Variants in SNX33 observed in about 807,000 individuals in gnomAD.
SNX33 encodes the protein sorting nexin 33.
In SNX33, 19 loss-of-function variants were observed where a neutral mutation model predicts 38.8. The ratio of observed to expected loss-of-function variants is 0.49; its 90% CI spans 0.34 to 0.72. The LOEUF is 0.72. SNX33 is among the 30% of genes least tolerant of loss of function. The pLI, the probability that SNX33 is intolerant of heterozygous loss-of-function variation, is 0.01. For synonymous variants in SNX33, 246 were observed against 289.7 expected (o/e 0.85, Z 1.53); for missense variants, 641 against 776.4 (o/e 0.83, Z 2.07).
Position 75,649,446 on chromosome 15 carries a change from A to G in SNX33, c.344A>G (p.Asp115Gly), listed in dbSNP as rs376433115. The change falls in exon 1 of 2, where the codon GAT (aspartate) becomes GGT (glycine). Residue 115 changes from aspartate to glycine, a missense_variant. By Grantham distance (94) the Asp-to-Gly change is moderately conservative. Coordinates refer to ENST00000308527, the MANE Select transcript of SNX33 (RefSeq NM_153271.2). The surrounding 1 kb of genome is among the most constrained non-coding windows in gnomAD (Gnocchi z 6.6). Reference sequence around the variant, plus strand: ...GGTAGCTTTGAGGAGGATGATGATGATGACTGGGATGACTGGGACGACGGA... The same window carrying G: ...GGTAGCTTTGAGGAGGATGATGATGGTGACTGGGATGACTGGGACGACGGA... ...NQGSFEEDDD[D>G]DWDDWDDGCT... 93 of 1,532,676 alleles carry G rather than the reference A, an allele frequency of 6.1e-5. No homozygotes were observed. Among genetic ancestry groups the G allele is most frequent in the Non-Finnish European group, 7.9e-5 (90 of 1,138,112 alleles). The allele number at this position is 1,532,676 out of a possible 1,614,324, so 94.9% of individuals were successfully genotyped here.
chr15:75,649,334 C>T lies in SNX33; in HGVS notation c.232C>T (p.Pro78Ser). 6.3e-7 allele frequency: 1 copy of T among 1,584,644 alleles called. No individual in the cohort carries two copies. The highest frequency in any genetic ancestry group is 8.6e-7 in the Non-Finnish European group (1 of 1,162,348). Residue 78 changes from proline to serine, a missense_variant, in exon 1 of 2, where the codon CCC (proline) becomes TCC (serine). Physicochemically the swap from Pro to Ser is moderately conservative, Grantham distance 74. Around this residue, in one of 2 missense-constraint regions of SNX33, gnomAD observed 243 missense variants for 233.9 expected, o/e 1.04. Coordinates refer to ENST00000308527, the MANE Select transcript of SNX33 (RefSeq NM_153271.2). This position sits in a 1 kb window ranked among gnomAD's most constrained non-coding sequence, Gnocchi z 6.6. ...ADYSSSPAGS[P>S]GAQVSLYNSP... ...CTACTCCAGCAGCCCTGCAGGCTCT[C>T]CCGGAGCCCAGGTGAGCTTGTACAA...
Position 75,649,833 on chromosome 15 carries a change from A to T in SNX33, c.731A>T (p.Lys244Met). The T allele has an allele frequency of 6.6e-7, 1 of 1,522,828 alleles. No homozygotes were observed. The highest frequency in any genetic ancestry group is 8.8e-7 in the Non-Finnish European group (1 of 1,136,062). 94.3% of individuals were successfully genotyped at this position (1,522,828 alleles called of 1,614,324 possible). A position where few individuals can be genotyped will look rare whatever the true frequency, so the allele number is the denominator to read the frequency against. Residue 244 changes from lysine to methionine, a missense_variant, in exon 1 of 2, where the codon AAG becomes ATG. Around this residue, in one of 2 missense-constraint regions of SNX33, gnomAD observed 398 missense variants for 542.5 expected, o/e 0.73. Coordinates refer to ENST00000308527, the MANE Select transcript of SNX33 (RefSeq NM_153271.2). This position sits in a 1 kb window ranked among gnomAD's most constrained non-coding sequence, Gnocchi z 6.6. ...GACCCCACAAAACAGACCAAATTCA[A>T]GGGCATCAAAAGCTACATCTCCTAC... is the stretch of plus-strand genomic sequence containing the variant. ...VEDPTKQTKF[K>M]GIKSYISYKL...
rs200605367 is a variant in SNX33 at position 75,649,632 on chromosome 15, G to C, written c.530G>C (p.Ser177Thr). ...QDSLASAKRGSVVGRNLNRFS... is the reference protein window; with the variant it reads ...QDSLASAKRGTVVGRNLNRFS... ...AGCCTGGCATCTGCCAAGCGAGGCAGTGTGGTGGGCCGTAACCTCAACCGT... is the reference window on the plus strand; with the variant it reads ...AGCCTGGCATCTGCCAAGCGAGGCACTGTGGTGGGCCGTAACCTCAACCGT... The change falls in exon 1 of 2, where the codon AGT (serine) becomes ACT (threonine). Residue 177 changes from serine to threonine, a missense_variant. Around this residue, in one of 2 missense-constraint regions of SNX33, gnomAD observed 243 missense variants for 233.9 expected, o/e 1.04. Coordinates refer to ENST00000308527, the MANE Select transcript of SNX33 (RefSeq NM_153271.2). This position sits in a 1 kb window ranked among gnomAD's most constrained non-coding sequence, Gnocchi z 6.6. 6.2e-7 allele frequency: 1 copy of C among 1,611,860 alleles called. No individual in the cohort carries two copies. The highest frequency in any genetic ancestry group is 1.3e-5 in the African/African-American group (1 of 75,008).
rs1893523628 is a variant in SNX33, at chr15:75,648,312, C to T, written c.-791C>T. On this transcript the variant is annotated 5_prime_UTR_variant, in exon 1 of 2. Coordinates refer to ENST00000308527, the MANE Select transcript of SNX33 (RefSeq NM_153271.2). This position sits in a 1 kb window ranked among gnomAD's most constrained non-coding sequence, Gnocchi z 4.4. ...ACAGCCTCGTCGCGCCCCCTCCTTC[C>T]TCCGGGGTTGGGGCTGGCCACTTCT... 6 of 985,380 alleles carry T rather than the reference C, an allele frequency of 6.1e-6. No homozygotes were observed. Among genetic ancestry groups the T allele is most frequent in the Non-Finnish European group, 7.2e-6 (6 of 829,932 alleles). The allele number at this position is 985,380 out of a possible 1,614,324, so 61.0% of individuals were successfully genotyped here.
In SNX33 at chr15:75,650,074, C is replaced by G; in HGVS notation, c.972C>G (p.Ser324=). Residue 324 remains serine (S), a synonymous_variant, in exon 1 of 2, where the codon TCC becomes TCG. Transcript: ENST00000308527. This position sits in a 1 kb window ranked among gnomAD's most constrained non-coding sequence, Gnocchi z 6.1. ...ACATGACCAGCCACCCTGTGCTCTC[C>G]CAGTACGAAGGCTTCCAGCATTTCC... ...MDHMTSHPVL[S]QYEGFQHFLS... 1 of 1,614,046 alleles carries G rather than the reference C, an allele frequency of 6.2e-7. No homozygotes were observed. The highest frequency in any genetic ancestry group is 8.5e-7 in the Non-Finnish European group (1 of 1,179,968).
intron 1 of SNX33, among the ~76,000 whole-genome samples, chr15:75,653,725 G>A (rs1893614110): frequency 6.6e-6 from 1 of 152,178 alleles, no homozygotes; most frequent in African/African-American, 2.4e-5. Flanking sequence ...GGGGCCATAG[G>A]GACAGCGTGG....
rs1315204876 is a variant in SNX33 at position 75,650,868 on chromosome 15, A to C, written c.1471+295A>C. Among the ~76,000 whole-genome samples the C allele has an allele frequency of 6.6e-6, 1 of 151,964 alleles. No homozygotes were observed. The highest frequency in any genetic ancestry group is 2.4e-5 in the African/African-American group (1 of 41,272). ...GTGAGACCCTGTCTCTAAAACAAAC[A>C]AACAAACAAACAAACAAACAAATGT... On this transcript the variant is annotated intron_variant, in intron 1 of 1. Transcript: ENST00000308527. This position sits in a 1 kb window ranked among gnomAD's most constrained non-coding sequence, Gnocchi z 6.1.
chr15:75,653,504 G>A (rs571766171), intron 1 of SNX33, among the ~76,000 whole-genome samples: 3 of 152,350 alleles, frequency 2.0e-5, no homozygotes, highest in East Asian at 1.9e-4. Flanking sequence ...GAGGTGCAGC[G>A]ATGCAGATGA....
At position 75,650,448 on chromosome 15, in the gene SNX33, C is replaced by A. The variant is rs780338453; in HGVS notation, c.1346C>A (p.Thr449Asn). 2 of 1,614,170 alleles carry A rather than the reference C, an allele frequency of 1.2e-6. No individual in the cohort carries two copies. The change falls in exon 1 of 2, where the codon ACC becomes AAC. Residue 449 changes from threonine (T) to asparagine (N), a missense_variant. Physicochemically the swap from Thr to Asn is moderately conservative, Grantham distance 65 (BLOSUM62 0). Around this residue, in one of 2 missense-constraint regions of SNX33, gnomAD observed 398 missense variants for 542.5 expected, o/e 0.73. Transcript: ENST00000308527. This position sits in a 1 kb window ranked among gnomAD's most constrained non-coding sequence, Gnocchi z 6.1. ...AGTGCCATTTCTCACACGGGCCGTACCTATGAAGCCATCGGGGAGATGTTT... is the reference window on the plus strand; with the variant it reads ...AGTGCCATTTCTCACACGGGCCGTAACTATGAAGCCATCGGGGAGATGTTT... ...LNSAISHTGR[T>N]YEAIGEMFAE...
chr15:75,648,156 A>G lies in SNX33; in HGVS notation c.-947A>G. On this transcript the variant is annotated 5_prime_UTR_variant, in exon 1 of 2. Coordinates refer to ENST00000308527, the MANE Select transcript of SNX33 (RefSeq NM_153271.2). The surrounding 1 kb of genome is among the most constrained non-coding windows in gnomAD (Gnocchi z 4.4). ...GGGGGTCGTAAGTCCCGGGTGAGGA[A>G]CCGGTTTCTGCTGGGGTTACCTTTG... is the stretch of plus-strand genomic sequence containing the variant. 1 of 985,498 alleles carries G rather than the reference A, an allele frequency of 1.0e-6. No individual in the cohort carries two copies. 61.0% of individuals were successfully genotyped at this position (985,498 alleles called of 1,614,324 possible).
At chr15:75,654,113 AAAG>A (rs1893622431) in intron 1 of SNX33, among the ~76,000 whole-genome samples, 2 of 151,760 alleles carry the variant, frequency 1.3e-5, no homozygotes, top group Non-Finnish European at 1.5e-5. Context: ...AAAAAAAAAA[AAAG>A]AAAAGAAAAG....
In SNX33 at chr15:75,649,505, C is replaced by T. The variant is rs777045563; in HGVS notation, c.403C>T (p.Leu135=). The T allele has an allele frequency of 1.9e-6, 3 of 1,568,438 alleles. No individual in the cohort carries two copies. Among genetic ancestry groups the T allele is most frequent in the Non-Finnish European group, 2.6e-6 (3 of 1,153,646 alleles). ...TVVEEPRAGG[L]GTNGHPPLNL... Reference sequence around the variant, plus strand: ...GGTGGAGGAGCCACGGGCTGGTGGGCTGGGCACCAACGGGCACCCTCCCCT... The same window carrying T: ...GGTGGAGGAGCCACGGGCTGGTGGGTTGGGCACCAACGGGCACCCTCCCCT... Residue 135 remains leucine, a synonymous_variant, in exon 1 of 2, where the codon CTG becomes TTG. Transcript: ENST00000308527. The surrounding 1 kb of genome is among the most constrained non-coding windows in gnomAD (Gnocchi z 6.6).
rs992397834 is a variant in SNX33 at position 75,648,588 on chromosome 15, A to G, written c.-515A>G. 1.3e-4 allele frequency: 126 copies of G among 971,984 alleles called. No homozygotes were observed. The highest frequency in any genetic ancestry group is 1.5e-4 in the Non-Finnish European group (120 of 817,798). The allele number at this position is 971,984 out of a possible 1,614,324, so 60.2% of individuals were successfully genotyped here. ...AGGAAGGAGGAAGGGGCAGATCTGC[A>G]GAGGAATGTGAGAGCCTCCCAAAGC... On this transcript the variant is annotated 5_prime_UTR_variant, in exon 1 of 2. Transcript: ENST00000308527. This position sits in a 1 kb window ranked among gnomAD's most constrained non-coding sequence, Gnocchi z 4.4.
Position 75,649,330 on chromosome 15 carries a change from C to T in SNX33, c.228C>T (p.Gly76=). 6.3e-7 allele frequency: 1 copy of T among 1,588,092 alleles called. No homozygotes were observed. Among genetic ancestry groups the T allele is most frequent in the Non-Finnish European group, 8.6e-7 (1 of 1,164,228 alleles). Reference sequence around the variant, plus strand: ...CTGACTACTCCAGCAGCCCTGCAGGCTCTCCCGGAGCCCAGGTGAGCTTGT... The same window carrying T: ...CTGACTACTCCAGCAGCCCTGCAGGTTCTCCCGGAGCCCAGGTGAGCTTGT... The part of the protein sequence containing the change: ...NHADYSSSPA[G]SPGAQVSLYN... The change falls in exon 1 of 2, where the codon GGC becomes GGT. Residue 76 remains glycine, a synonymous_variant. Transcript: ENST00000308527. This position sits in a 1 kb window ranked among gnomAD's most constrained non-coding sequence, Gnocchi z 6.6.
Position 75,649,314 on chromosome 15 carries a change from C to A in SNX33, c.212C>A (p.Ser71Tyr). ...ATCAGCACCAACCATGCTGACTACT[C>A]CAGCAGCCCTGCAGGCTCTCCCGGA... ...SGISTNHADY[S>Y]SSPAGSPGAQ... is the part of the protein sequence containing the mutation. Residue 71 changes from serine to tyrosine, a missense_variant, in exon 1 of 2, where the codon TCC becomes TAC. By Grantham distance (144) the Ser-to-Tyr change is moderately radical (BLOSUM62 -2). Coordinates refer to ENST00000308527, the MANE Select transcript of SNX33 (RefSeq NM_153271.2). This position sits in a 1 kb window ranked among gnomAD's most constrained non-coding sequence, Gnocchi z 6.6. The A allele has an allele frequency of 6.2e-7, 1 of 1,600,028 alleles. No individual in the cohort carries two copies. The highest frequency in any genetic ancestry group is 8.5e-7 in the Non-Finnish European group (1 of 1,170,904).
At chr15:75,654,895 C>G (rs1893634645) in intron 1 of SNX33, among the ~76,000 whole-genome samples, 1 of 152,226 alleles carries the variant, frequency 6.6e-6, no homozygotes, top group East Asian at 1.9e-4. Context: ...GAGGCCTTTC[C>G]TTCCTCTAAG....
intron 1 of SNX33, among the ~76,000 whole-genome samples, chr15:75,653,090 G>T (rs1893604210): frequency 6.6e-6 from 1 of 152,176 alleles, no homozygotes. Flanking sequence ...GTCTCTAGGT[G>T]AGTAAAATGG....
In SNX33 at chr15:75,650,510, G is replaced by A; in HGVS notation, c.1408G>A (p.Asp470Asn). Residue 470 changes from aspartate to asparagine, a missense_variant, in exon 1 of 2, where the codon GAC becomes AAC. Physicochemically the swap from Asp to Asn is conservative, Grantham distance 23. Coordinates refer to ENST00000308527, the MANE Select transcript of SNX33 (RefSeq NM_153271.2). The surrounding 1 kb of genome is among the most constrained non-coding windows in gnomAD (Gnocchi z 6.1). ...QPKNDLFQML[D>N]TLSLYQGLLS... is the part of the protein sequence containing the mutation. ...CAAGAATGACCTCTTCCAGATGCTG[G>A]ACACACTGTCTCTCTACCAGGGCCT... The A allele has an allele frequency of 6.2e-7, 1 of 1,613,712 alleles. No individual in the cohort carries two copies. The highest frequency in any genetic ancestry group is 1.1e-5 in the South Asian group (1 of 91,032).
Position 75,649,619 on chromosome 15 carries a change from G to A in SNX33, c.517G>A (p.Ala173Thr). The A allele has an allele frequency of 6.2e-7, 1 of 1,613,014 alleles. No individual in the cohort carries two copies. The highest frequency in any genetic ancestry group is 2.2e-5 in the East Asian group (1 of 44,876). Residue 173 changes from alanine to threonine, a missense_variant, in exon 1 of 2, where the codon GCC (alanine) becomes ACC (threonine). Coordinates refer to ENST00000308527, the MANE Select transcript of SNX33 (RefSeq NM_153271.2). The surrounding 1 kb of genome is among the most constrained non-coding windows in gnomAD (Gnocchi z 6.6). Reference sequence around the variant, plus strand: ...GGAGCGGCAGGACAGCCTGGCATCTGCCAAGCGAGGCAGTGTGGTGGGCCG... The same window carrying A: ...GGAGCGGCAGGACAGCCTGGCATCTACCAAGCGAGGCAGTGTGGTGGGCCG... ...PLERQDSLAS[A>T]KRGSVVGRNL...
Sources: allele counts gnomAD v4.1 joint callset (sites outside exome capture counted in the v4.1 genomes callset), GRCh38; gene constraint gnomAD v4.1.1; regional missense constraint gnomAD v4.1.1; non-coding constraint Gnocchi (gnomAD v3.1); transcripts MANE v1.5; gene names NCBI Gene and HGNC (gene_info 2026-07-23, HGNC 2026-07-21).